Variants in IL17D observed in about 807,000 individuals in gnomAD.
The protein encoded by IL17D is interleukin-17D.
A neutral mutation model predicts 5.7 loss-of-function variants in IL17D; 10 were observed. The observed-to-expected ratio is 1.75, with a 90% confidence interval of 1.08 to 2.97. The LOEUF (loss-of-function observed/expected upper bound fraction) is 2.97, where lower values mean the gene tolerates loss of function less well. Ranked by LOEUF, IL17D falls within the 30% of genes most tolerant of loss-of-function variation. The probability of loss-of-function intolerance (pLI) is 0.00; values close to 1 mark genes in which losing one functional copy is unlikely to be tolerated. For missense variants in IL17D, 354 were observed against 292.7 expected (o/e 1.21, Z -1.53); for synonymous variants, 172 against 141.7 (o/e 1.21, Z -1.52).
intron 1 of IL17D, among the ~76,000 whole-genome samples, chr13:20,704,711 T>G (rs2058577139): frequency 1.3e-5 from 2 of 151,866 alleles, no homozygotes; most frequent in African/African-American, 4.8e-5. Flanking sequence ...GTTGGATGGG[T>G]CCGCAAGGCA....
intron 1 of IL17D, chr13:20,712,985 C>T (rs1342342435): frequency 6.6e-6 from 1 of 150,434 alleles, no homozygotes; most frequent in East Asian, 1.9e-4. Context: ...TCTTTCCTTC[C>T]TTCCTTCCTC....
At chr13:20,721,169 C>T (rs963327347) in intron 1 of IL17D, among the ~76,000 whole-genome samples, 7 of 152,120 alleles carry the variant, frequency 4.6e-5, no homozygotes, top group Admixed American at 1.3e-4. Context: ...CAGCACTGTC[C>T]GCCCCCAGCC....
At chr13:20,718,521 C>A (rs60138119) in intron 1 of IL17D, among the ~76,000 whole-genome samples, 1,827 of 127,620 alleles carry the variant, frequency 0.014, 66 homozygotes, top group African/African-American at 0.06. Context: ...GACACACTTA[C>A]CCCCCACCCA....
intron 1 of IL17D, among the ~76,000 whole-genome samples, chr13:20,709,203 A>G (rs556700013): frequency 1.4e-5 from 2 of 147,936 alleles, no homozygotes; most frequent in Admixed American, 1.4e-4. Context: ...AAGGAAAGGC[A>G]TTCTCATCCA....
upstream of IL17D, chr13:20,701,733 A>G (rs2058549277): frequency 6.6e-6 from 1 of 152,166 alleles, no homozygotes; most frequent in Non-Finnish European, 1.5e-5. Context: ...CTTCACAAAT[A>G]TGTTGAAATT....
chr13:20,703,897 G>A lies in IL17D; in HGVS notation c.-105G>A. 1.9e-6 allele frequency: 1 copy of A among 526,562 alleles called. No homozygotes were observed. The allele number at this position is 526,562 out of a possible 1,614,324, so 32.6% of individuals were successfully genotyped here. On this transcript the variant is annotated 5_prime_UTR_variant, in exon 1 of 2. Transcript: ENST00000682841. ...CCTCTGGCTCCGCGGGGCGAGGGGA[G>A]GCGCCCGCCGGCTCCGGGCGCCGCG...
intron 1 of IL17D, among the ~76,000 whole-genome samples, chr13:20,720,118 C>A (rs1272771090): frequency 2.0e-5 from 3 of 152,150 alleles, no homozygotes; most frequent in African/African-American, 7.2e-5. Flanking sequence ...CCCCCTCAAG[C>A]CTCTGCCCTT....
At chr13:20,719,191 G>C (rs1289952160) in intron 1 of IL17D, among the ~76,000 whole-genome samples, 2 of 122,318 alleles carry the variant, frequency 1.6e-5, no homozygotes, top group Non-Finnish European at 3.3e-5. Flanking sequence ...TACACTCACA[G>C]ATGCCCACAC....
chr13:20,717,348 C>T (rs949234752), intron 1 of IL17D: 1 of 152,272 alleles, frequency 6.6e-6, no homozygotes, highest in Non-Finnish European at 1.5e-5. Flanking sequence ...CAGAACTCTG[C>T]TCGGTTGCTT....
At chr13:20,706,599 A>T (rs7985552) in intron 1 of IL17D, among the ~76,000 whole-genome samples, 109,203 of 152,204 alleles carry the variant, frequency 0.72, 40,637 homozygotes, top group Non-Finnish European at 0.8. Flanking sequence ...GAATTTAGTA[A>T]CAAGCCTGTT....
chr13:20,704,142 G>C lies in IL17D; in HGVS notation c.141G>C (p.Ala47=). 2 of 1,345,592 alleles carry C rather than the reference G, an allele frequency of 1.5e-6. No homozygotes were observed. The highest frequency in any genetic ancestry group is 1.9e-6 in the Non-Finnish European group (2 of 1,038,926). 83.4% of individuals were successfully genotyped at this position (1,345,592 alleles called of 1,614,324 possible). A position where few individuals can be genotyped will look rare whatever the true frequency, so the allele number is the denominator to read the frequency against. The stretch of plus-strand genomic sequence containing the variant: ...TGGAGCAGCTGTACGGGCGCCTGGC[G>C]GCCGGCGTGCTCAGTGCCTTCCACC... ...ELLEQLYGRL[A]AGVLSAFHHT... is the part of the protein sequence containing the mutation. Residue 47 remains alanine, a synonymous_variant, in exon 1 of 2, where the codon GCG becomes GCC. Coordinates refer to ENST00000682841, the MANE Select transcript of IL17D (RefSeq NM_001385224.1).
upstream of IL17D, chr13:20,702,552 T>C (rs1269942788): frequency 6.6e-6 from 1 of 152,270 alleles, no homozygotes; most frequent in African/African-American, 2.4e-5. Flanking sequence ...AAGCATTTAC[T>C]TGCAGAATGA....
rs1373140811 is a variant in IL17D at position 20,716,423 on chromosome 13, C to T, written c.291-5213C>T. 2.0e-5 allele frequency among the ~76,000 whole-genome samples: 3 copies of T among 152,156 alleles called. No homozygotes were observed. Among genetic ancestry groups the T allele is most frequent in the Admixed American group, 1.3e-4 (2 of 15,282 alleles). Reference sequence around the variant, plus strand: ...ACTTTATAGATTAATTGGAATTTTCCAAGACCTTAGAGACTCAATGTATTG... The same window carrying T: ...ACTTTATAGATTAATTGGAATTTTCTAAGACCTTAGAGACTCAATGTATTG... On this transcript the variant is annotated intron_variant, in intron 1 of 1. Transcript: ENST00000682841. This position sits in a 1 kb window ranked among gnomAD's most constrained non-coding sequence, Gnocchi z 4.2.
At chr13:20,712,898 CTCTTTTT>C (rs1307613843) in intron 1 of IL17D, 4 of 152,198 alleles carry the variant, frequency 2.6e-5, no homozygotes, top group African/African-American at 9.7e-5. Context: ...CTCTTTCTTT[CTCTTTTT>C]TCTTTTTTCC....
Position 20,721,938 on chromosome 13 carries a change from C to T in IL17D, c.593C>T (p.Ala198Val), listed in dbSNP as rs1006034870. 3.1e-6 allele frequency: 5 copies of T among 1,596,900 alleles called. No homozygotes were observed. Among genetic ancestry groups the T allele is most frequent in the Non-Finnish European group, 4.3e-6 (5 of 1,174,846 alleles). Residue 198 changes from alanine (A) to valine (V), a missense_variant, in exon 2 of 2, where the codon GCG (alanine) becomes GTG (valine). Physicochemically the swap from Ala to Val is moderately conservative, Grantham distance 64 (BLOSUM62 0). Coordinates refer to ENST00000682841, the MANE Select transcript of IL17D (RefSeq NM_001385224.1). ...GAKLLLGPND[A>V]PAGP is the part of the protein sequence containing the mutation. The stretch of plus-strand genomic sequence containing the variant: ...AAGCTCCTGCTGGGCCCCAACGACG[C>T]GCCCGCTGGCCCCTGAGGCCGGTCC...
chr13:20,708,843 C>CAAAAAAAAAAAA (rs10644027), intron 1 of IL17D, among the ~76,000 whole-genome samples: 2 of 111,842 alleles, frequency 1.8e-5, no homozygotes, highest in Admixed American at 1.1e-4. Context: ...ACTAAAAATA[C>CAAAAAAAAAAAA]AAAAAAAAAA....
In IL17D at chr13:20,721,491, T is replaced by G. The variant is rs984534865; in HGVS notation, c.291-145T>G. On this transcript the variant is annotated intron_variant, in intron 1 of 1. Coordinates refer to ENST00000682841, the MANE Select transcript of IL17D (RefSeq NM_001385224.1). ...AAGGAAGCGCCGGGCAGATCTGTTG[T>G]CGGCGGGGGGCCTCGCACGCACGCG... 2.4e-5 allele frequency: 15 copies of G among 625,862 alleles called. No homozygotes were observed. The South Asian group carries it at 2.7e-4, about 11-fold the overall frequency. The allele number at this position is 625,862 out of a possible 1,614,324, so 38.8% of individuals were successfully genotyped here.
chr13:20,717,014 C>A (rs146260295), intron 1 of IL17D: 1 of 152,194 alleles, frequency 6.6e-6, no homozygotes, highest in African/African-American at 2.4e-5. Flanking sequence ...GCTCCGGAGC[C>A]GCTTCAAATT....
rs774549980 is a variant in IL17D, at chr13:20,723,046, T to C, written c.*1092T>C. The C allele has an allele frequency of 6.6e-6, 1 of 152,190 alleles. No homozygotes were observed. Among genetic ancestry groups the C allele is most frequent in the Non-Finnish European group, 1.5e-5 (1 of 68,042 alleles). 9.4% of individuals were successfully genotyped at this position (152,190 alleles called of 1,614,324 possible). On this transcript the variant is annotated 3_prime_UTR_variant, in exon 2 of 2. Coordinates refer to ENST00000682841, the MANE Select transcript of IL17D (RefSeq NM_001385224.1). ...AAAGTCTGTCTCTGAACACAATTAT[T>C]TGTAAAAGTTAGTAGTTCTTTTTTA...
Sources: gnomAD v4.1 joint callset for allele counts (sites outside exome capture counted in the v4.1 genomes callset) on GRCh38, gnomAD v4.1.1 for gene constraint, Gnocchi (gnomAD v3.1) non-coding constraint, MANE v1.5 for transcripts, NCBI Gene and HGNC (gene_info 2026-07-23, HGNC 2026-07-21) for gene names.